Variants in C2orf15 observed in about 807,000 individuals in gnomAD.
C2orf15 encodes the protein uncharacterized protein C2orf15.
C2orf15 carries 3 observed loss-of-function variants against 4.4 expected under a neutral mutation model. The ratio of observed to expected loss-of-function variants is 0.67; its 90% confidence interval spans 0.31 to 1.74. The LOEUF is 1.74. Among genes scored for constraint, C2orf15 ranks in the 40% most tolerant of loss-of-function variants. The pLI is 0.09. For synonymous variants in C2orf15, 37 were observed against 36.8 expected (o/e 1.00, Z -0.02); for missense variants, 90 against 103.3 (o/e 0.87, Z 0.56).
rs2093688356 is a variant in C2orf15, at chr2:99,150,999, T to TGAAA, written c.*165_*166insGAAA. 2.0e-6 allele frequency: 1 copy of TGAAA among 500,184 alleles called. No individual in the cohort carries two copies. The allele number at this position is 500,184 out of a possible 1,614,324, so 31.0% of individuals were successfully genotyped here. ...CTTACACTGCATTTTTTTATGATGC[T>TGAAA]TATTCAAAAGGCAGTTGCTTTAGGG... On this transcript the variant is annotated 3_prime_UTR_variant, in exon 4 of 4. Coordinates refer to ENST00000650052, the MANE Select transcript of C2orf15 (RefSeq NM_144706.4).
intron 2 of C2orf15, among the ~76,000 whole-genome samples, chr2:99,146,652 G>A (rs1336214703): frequency 2.6e-5 from 4 of 151,740 alleles, no homozygotes; most frequent in Admixed American, 1.3e-4. Context: ...TTTTTGAGAC[G>A]GAGTCTTGCT....
chr2:99,147,212 G>A (rs1391106465), intron 2 of C2orf15, 190 bp from the exon 3 acceptor site: 3 of 427,038 alleles, frequency 7.0e-6, no homozygotes, highest in African/African-American at 4.0e-5. Context: ...TGTTGCCCAG[G>A]CTGGTCTCAA....
chr2:99,147,470 G>A lies in C2orf15; in HGVS notation c.-100G>A. The A allele has an allele frequency of 1.9e-6, 3 of 1,613,842 alleles. No individual in the cohort carries two copies. The highest frequency in any genetic ancestry group is 1.3e-5 in the African/African-American group (1 of 74,982). On this transcript the variant is annotated 5_prime_UTR_variant, in exon 3 of 4. The change abolishes an upstream ATG in the 5' untranslated region. Coordinates refer to ENST00000650052, the MANE Select transcript of C2orf15 (RefSeq NM_144706.4). ...CCCAATAGACTTGTTCACCCTTCAT[G>A]TCCTCAACTCTGGGGAAGTTAAGGT...
intron 3 of C2orf15, 65 bp from the exon 4 acceptor site, chr2:99,150,418 A>T: frequency 1.1e-6 from 1 of 908,008 alleles, no homozygotes. Flanking sequence ...CATTCAAACA[A>T]ACATTGCCAT....
chr2:99,149,087 C>T (rs567362295), intron 3 of C2orf15, among the ~76,000 whole-genome samples: 1 of 150,946 alleles, frequency 6.6e-6, no homozygotes, highest in Non-Finnish European at 1.5e-5. Flanking sequence ...AGGAAAATCA[C>T]TTTAACCTGC....
Position 99,150,999 on chromosome 2 carries a change from T to G in C2orf15, c.*165T>G. Reference sequence around the variant, plus strand: ...CTTACACTGCATTTTTTTATGATGCTTATTCAAAAGGCAGTTGCTTTAGGG... The same window carrying G: ...CTTACACTGCATTTTTTTATGATGCGTATTCAAAAGGCAGTTGCTTTAGGG... On this transcript the variant is annotated 3_prime_UTR_variant, in exon 4 of 4. Transcript: ENST00000650052. 2 of 500,302 alleles carry G rather than the reference T, an allele frequency of 4.0e-6. No homozygotes were observed. The highest frequency in any genetic ancestry group is 7.2e-6 in the Non-Finnish European group (2 of 279,138). The allele number at this position is 500,302 out of a possible 1,614,324, so 31.0% of individuals were successfully genotyped here.
intron 3 of C2orf15, among the ~76,000 whole-genome samples, chr2:99,150,006 T>G (rs1468653799): frequency 6.6e-6 from 1 of 151,984 alleles, no homozygotes; most frequent in Non-Finnish European, 1.5e-5. Flanking sequence ...TTGGCCAGGC[T>G]GGTCTCTCAA....
At chr2:99,143,872 C>T (rs2093603190) in intron 2 of C2orf15, among the ~76,000 whole-genome samples, 1 of 152,140 alleles carries the variant, frequency 6.6e-6, no homozygotes, top group Admixed American at 6.5e-5. Flanking sequence ...ATTTCAAAAG[C>T]TTCACTACAA....
intron 2 of C2orf15, among the ~76,000 whole-genome samples, chr2:99,144,111 C>T (rs536666220): frequency 6.6e-6 from 1 of 152,138 alleles, no homozygotes; most frequent in Non-Finnish European, 1.5e-5. Context: ...AGCTCTGCCT[C>T]GCGGCTTCAC....
chr2:99,147,073 T>G (rs2093639694), intron 2 of C2orf15: 1 of 171,652 alleles, frequency 5.8e-6, no homozygotes. Flanking sequence ...TAAGTCCAAG[T>G]TACAGCTCTG....
chr2:99,148,211 C>G (rs1053070423), intron 3 of C2orf15: 2 of 152,064 alleles, frequency 1.3e-5, no homozygotes, highest in African/African-American at 4.8e-5. Flanking sequence ...TGTTTAGATT[C>G]AAGTTATGCA....
At chr2:99,142,561 T>C (rs1294890760) in intron 2 of C2orf15, among the ~76,000 whole-genome samples, 160 bp downstream of exon 2, 1 of 152,244 alleles carries the variant, frequency 6.6e-6, no homozygotes, top group Non-Finnish European at 1.5e-5. Flanking sequence ...GTCGCATTTA[T>C]TTTCAGATAT....
intron 2 of C2orf15, among the ~76,000 whole-genome samples, chr2:99,146,072 C>T (rs1295770553): frequency 6.6e-6 from 1 of 152,196 alleles, no homozygotes; most frequent in African/African-American, 2.4e-5. Context: ...CACTTGAGGT[C>T]AGGAATTCGA....
chr2:99,144,164 G>A (rs906298393), intron 2 of C2orf15, among the ~76,000 whole-genome samples: 4 of 152,118 alleles, frequency 2.6e-5, no homozygotes, highest in African/African-American at 9.7e-5. Context: ...GGGACTACAG[G>A]CGCCCACCAC....
At chr2:99,150,444 C>A in intron 3 of C2orf15, 39 bp from the exon 4 acceptor site, 1 of 1,167,560 alleles carries the variant, frequency 8.6e-7, no homozygotes, top group Non-Finnish European at 1.2e-6. Context: ...TAGGGAAATT[C>A]CTGCTGCATT....
At chr2:99,144,649 CAAAAAAAAAAAAA>C in intron 2 of C2orf15, among the ~76,000 whole-genome samples, 1 of 52,268 alleles carries the variant, frequency 1.9e-5, no homozygotes, top group African/African-American at 7.1e-5. Context: ...AACTCTGTCT[CAAAAAAAAAAAAA>C]AAAAAAAAAG....
chr2:99,143,251 C>T (rs1278925904), intron 2 of C2orf15, among the ~76,000 whole-genome samples: 8 of 148,804 alleles, frequency 5.4e-5, no homozygotes, highest in African/African-American at 2.0e-4. Flanking sequence ...ATGCCATTCT[C>T]CTGCCTCAGC....
intron 2 of C2orf15, among the ~76,000 whole-genome samples, chr2:99,145,482 C>T (rs1359945381): frequency 1.3e-5 from 2 of 151,790 alleles, no homozygotes; most frequent in East Asian, 1.9e-4. Flanking sequence ...CACTTGAACC[C>T]AGGAGGCGGA....
At position 99,150,664 on chromosome 2, in the gene C2orf15, C is replaced by A. The variant is rs748427012; in HGVS notation, c.106C>A (p.Pro36Thr). 1.2e-6 allele frequency: 2 copies of A among 1,613,930 alleles called. No individual in the cohort carries two copies. Among genetic ancestry groups the A allele is most frequent in the South Asian group, 1.1e-5 (1 of 91,080 alleles). Residue 36 changes from proline to threonine, a missense_variant, in exon 4 of 4, where the codon CCA becomes ACA. By Grantham distance (38) the Pro-to-Thr change is conservative. Transcript: ENST00000650052. ...IRGTEKSRLE[P>T]ATQLFQNTKK... Reference sequence around the variant, plus strand: ...AGGGACTGAAAAAAGCAGGTTGGAACCAGCGACTCAGTTATTTCAAAACAC... The same window carrying A: ...AGGGACTGAAAAAAGCAGGTTGGAAACAGCGACTCAGTTATTTCAAAACAC...
Sources: gnomAD v4.1 joint callset for allele counts (sites outside exome capture counted in the v4.1 genomes callset) on GRCh38, gnomAD v4.1.1 for gene constraint, MANE v1.5 for transcripts, NCBI Gene and HGNC (gene_info 2026-07-23, HGNC 2026-07-21) for gene names.